SWT1: variants seen among roughly 807,000 people sequenced by gnomAD.
SWT1 encodes SWT1 RNA endoribonuclease homolog, also known as transcriptional protein SWT1.
Under a neutral mutation model 107.3 loss-of-function variants are expected in SWT1, and 33 were observed. The observed-to-expected ratio is 0.31, with a 90% CI of 0.23 to 0.41. The LOEUF (loss-of-function observed/expected upper bound fraction) is 0.41. Among genes scored for constraint, SWT1 ranks in the 10% least tolerant of loss-of-function variants. The probability of loss-of-function intolerance (pLI) is 1.00; values close to 1 mark genes in which losing one functional copy is unlikely to be tolerated. For synonymous variants in SWT1, 345 were observed against 348.3 expected (o/e 0.99, Z 0.11); for missense variants, 898 against 1,028.9 (o/e 0.87, Z 1.74).
At chr1:185,193,171 C>T (rs1407704667) in intron 10 of SWT1, among the ~76,000 whole-genome samples, 1 of 151,984 alleles carries the variant, frequency 6.6e-6, no homozygotes, top group African/African-American at 2.4e-5. Context: ...TGTTTGTTGC[C>T]TAATTCTAAG....
chr1:185,173,530 C>CAAAAAAAAA (rs869052260), intron 4 of SWT1, among the ~76,000 whole-genome samples: 1 of 96,566 alleles, frequency 1.0e-5, no homozygotes, highest in Non-Finnish European at 2.1e-5. Context: ...CTGTCTCTAC[C>CAAAAAAAAA]AAAAAAAAAA....
In SWT1 at chr1:185,244,958, A is replaced by C. The variant is rs1324000979; in HGVS notation, c.2441+13250A>C. Among the ~76,000 whole-genome samples the C allele has an allele frequency of 3.3e-5, 5 of 152,164 alleles. No individual in the cohort carries two copies. The East Asian group carries it at 9.6e-4, about 29-fold the overall frequency. ...GCTGGGCATGGTGTTGTGTGTCTGT[A>C]GTCTCAGCTACTTGGGAGGCTGAGG... On this transcript the variant is annotated intron_variant, in intron 16 of 18. Transcript: ENST00000367500.
At chr1:185,221,711 A>C in intron 14 of SWT1, 138 bp from the exon 15 acceptor site, 1 of 567,146 alleles carries the variant, frequency 1.8e-6, no homozygotes, top group East Asian at 2.9e-5. Flanking sequence ...TTCTGGGAAT[A>C]TTATGTACAT....
chr1:185,276,529 A>G (rs1321380888), intron 17 of SWT1, 75 bp from the exon 18 acceptor site: 2 of 785,850 alleles, frequency 2.5e-6, no homozygotes, highest in Non-Finnish European at 4.0e-6. Flanking sequence ...CTCTCAGAAT[A>G]TGGGCTACTC....
At chr1:185,277,929 T>C (rs1333787783) in intron 18 of SWT1, among the ~76,000 whole-genome samples, 2 of 152,212 alleles carry the variant, frequency 1.3e-5, no homozygotes, top group Admixed American at 6.5e-5. Flanking sequence ...TGATTTGTTT[T>C]ATAGCATTCA....
In SWT1 at chr1:185,227,869, T is replaced by C. The variant is rs116981769; in HGVS notation, c.2310-3708T>C. 5.9e-3 allele frequency among the ~76,000 whole-genome samples: 890 copies of C among 152,028 alleles called. 33 individuals are homozygous for C. In the East Asian group the frequency reaches 0.095, roughly 16 times the overall value. On this transcript the variant is annotated intron_variant, in intron 15 of 18. Coordinates refer to ENST00000367500, the MANE Select transcript of SWT1 (RefSeq NM_017673.7). ...GGGAGGCAGAGAGAGGTAGGAGGATTGCTTCAGTCGAAGAGTTTGAGACCA... is the reference window on the plus strand; with the variant it reads ...GGGAGGCAGAGAGAGGTAGGAGGATCGCTTCAGTCGAAGAGTTTGAGACCA...
chr1:185,225,580 A>G (rs761887298), intron 15 of SWT1, among the ~76,000 whole-genome samples: 21 of 152,194 alleles, frequency 1.4e-4, no homozygotes, highest in Non-Finnish European at 3.1e-4. Flanking sequence ...AAATATTTAG[A>G]TACCCAAATA....
At chr1:185,239,055 A>G (rs1447648628) in intron 16 of SWT1, among the ~76,000 whole-genome samples, 1 of 152,166 alleles carries the variant, frequency 6.6e-6, no homozygotes, top group Non-Finnish European at 1.5e-5. Context: ...TCTTAAAAAT[A>G]GTAGATCATA....
intron 18 of SWT1, among the ~76,000 whole-genome samples, chr1:185,288,006 A>AT (rs1397290852): frequency 1.3e-5 from 2 of 152,108 alleles, no homozygotes; most frequent in East Asian, 1.9e-4. Flanking sequence ...ACTGAAGGAT[A>AT]TTTTTTTCAC....
At chr1:185,187,597 A>G (rs1656602728) in intron 9 of SWT1, among the ~76,000 whole-genome samples, 1 of 152,184 alleles carries the variant, frequency 6.6e-6, no homozygotes, top group South Asian at 2.1e-4. Context: ...AAACATCTTA[A>G]TAACTATGAT....
Position 185,233,979 on chromosome 1 carries a change from C to G in SWT1, c.2441+2271C>G, listed in dbSNP as rs904926860. Reference sequence around the variant, plus strand: ...AAGGATGGTCTCGATCTCCTGACCTCATGATCCACCCCCCTCAGCCTCCCA... The same window carrying G: ...AAGGATGGTCTCGATCTCCTGACCTGATGATCCACCCCCCTCAGCCTCCCA... On this transcript the variant is annotated intron_variant, in intron 16 of 18. Coordinates refer to ENST00000367500, the MANE Select transcript of SWT1 (RefSeq NM_017673.7). 2.3e-4 allele frequency among the ~76,000 whole-genome samples: 35 copies of G among 152,124 alleles called. 1 individual carries two copies. Among genetic ancestry groups the G allele is most frequent in the African/African-American group, 8.2e-4 (34 of 41,440 alleles).
At chr1:185,229,100 A>G (rs1435152011) in intron 15 of SWT1, among the ~76,000 whole-genome samples, 2 of 152,176 alleles carry the variant, frequency 1.3e-5, no homozygotes, top group Admixed American at 6.5e-5. Flanking sequence ...TGCGTTTTAA[A>G]AAAGATTGCT....
intron 16 of SWT1, among the ~76,000 whole-genome samples, chr1:185,253,410 C>T (rs1485854546): frequency 6.6e-6 from 1 of 151,974 alleles, no homozygotes; most frequent in African/African-American, 2.4e-5. Context: ...TCTTCCTATC[C>T]ATGAGCATGG....
chr1:185,221,953 G>T lies in SWT1; in HGVS notation c.2226G>T (p.Ser742=). 6.2e-7 allele frequency: 1 copy of T among 1,612,500 alleles called. No individual in the cohort carries two copies. The highest frequency in any genetic ancestry group is 8.5e-7 in the Non-Finnish European group (1 of 1,179,296). The change falls in exon 15 of 19, where the codon TCG becomes TCT. Residue 742 remains serine (S), a synonymous_variant. Transcript: ENST00000367500. ...ATAATCAAGAAATCACTGTTTTCTC[G>T]AGTTCTCATCTTCCCCAACCCAGCA... ...NSHNQEITVF[S]SSHLPQPSRH...
At position 185,222,033 on chromosome 1, in the gene SWT1, A is replaced by G; in HGVS notation, c.2306A>G (p.Asn769Ser). Reference protein sequence around the residue: ...LESVWITIYQNSTDVFQRLGS... With the variant: ...LESVWITIYQSSTDVFQRLGS... Reference sequence around the variant, plus strand: ...AGTGTTTGGATTACAATATATCAGAACAGGTACTAAATTTGGGGGAATTTT... The same window carrying G: ...AGTGTTTGGATTACAATATATCAGAGCAGGTACTAAATTTGGGGGAATTTT... Residue 769 changes from asparagine (N) to serine (S), a missense_variant, in exon 15 of 19, where the codon AAC (asparagine) becomes AGC (serine). By Grantham distance (46) the Asn-to-Ser change is conservative. This residue lies in a region of SWT1 where 382 missense variants were observed against 460.0 expected (regional missense o/e 0.83). Transcript: ENST00000367500. The G allele has an allele frequency of 6.6e-7, 1 of 1,518,070 alleles. No homozygotes were observed. Among genetic ancestry groups the G allele is most frequent in the Non-Finnish European group, 8.8e-7 (1 of 1,136,996 alleles). The allele number at this position is 1,518,070 out of a possible 1,614,324, so 94.0% of individuals were successfully genotyped here.
At chr1:185,229,019 A>G (rs1660303753) in intron 15 of SWT1, among the ~76,000 whole-genome samples, 1 of 152,162 alleles carries the variant, frequency 6.6e-6, no homozygotes, top group Non-Finnish European at 1.5e-5. Flanking sequence ...AGCCATTGTA[A>G]GAATTTAGGG....
At chr1:185,282,589 A>G (rs547180432) in intron 18 of SWT1, among the ~76,000 whole-genome samples, 4 of 152,210 alleles carry the variant, frequency 2.6e-5, no homozygotes, top group African/African-American at 9.6e-5. Flanking sequence ...ACACCTGAGG[A>G]GGGAGTTGTT....
intron 16 of SWT1, among the ~76,000 whole-genome samples, chr1:185,265,049 TA>T (rs1390781030): frequency 6.6e-6 from 1 of 152,086 alleles, no homozygotes; most frequent in Non-Finnish European, 1.5e-5. Flanking sequence ...ACCACCAACT[TA>T]AAAAATAAAA....
chr1:185,159,781 A>G (rs1227459515), intron 1 of SWT1, among the ~76,000 whole-genome samples: 7 of 152,076 alleles, frequency 4.6e-5, no homozygotes, highest in African/African-American at 1.4e-4. Flanking sequence ...GCTGGAGTGC[A>G]GTGGCACAAT....
Sources: gnomAD v4.1 joint callset for allele counts (sites outside exome capture counted in the v4.1 genomes callset) on GRCh38, gnomAD v4.1.1 for gene constraint, gnomAD v4.1.1 regional missense constraint, MANE v1.5 for transcripts, NCBI Gene and HGNC (gene_info 2026-07-23, HGNC 2026-07-21) for gene names.